The following PCDH12 variants were observed in gnomAD, a reference collection of about 807,000 sequenced individuals.
PCDH12 encodes protocadherin-12.
In PCDH12, 45 loss-of-function variants were observed where a neutral mutation model predicts 70.9. That is an observed-to-expected ratio of 0.63 (90% CI 0.50 to 0.81). The LOEUF is 0.81. PCDH12 is among the 40% of genes least tolerant of loss of function. The pLI is 0.00. For synonymous variants in PCDH12, 567 were observed against 626.0 expected (o/e 0.91, Z 1.41); for missense variants, 1,370 against 1,491.7 (o/e 0.92, Z 1.34).
Position 141,955,588 on chromosome 5 carries a change from G to A in PCDH12, c.2264C>T (p.Ala755Val). The A allele has an allele frequency of 1.2e-6, 2 of 1,614,140 alleles. No individual in the cohort carries two copies. ...GGGCTGCTGGCGGTAGGTGGACTCG[G>A]CCTCCCGACAGTTGTAGGCCCTGTT... ...KDNRAYNCRE[A>V]ESTYRQQPKR... is the part of the protein sequence containing the mutation. The change falls in exon 1 of 4, where the codon GCC becomes GTC. Residue 755 changes from alanine (A) to valine (V), a missense_variant. By Grantham distance (64) the Ala-to-Val change is moderately conservative. Transcript: ENST00000231484. This position sits in a 1 kb window ranked among gnomAD's most constrained non-coding sequence, Gnocchi z 5.5.
rs1753174685 is a variant in PCDH12 at position 141,955,913 on chromosome 5, A to T, written c.1939T>A (p.Phe647Ile). The T allele has an allele frequency of 6.2e-7, 1 of 1,614,166 alleles. No individual in the cohort carries two copies. ...TGCCCCGTATGAGGGTTGAGGATGA[A>T]GAGGTGGGCTTCATTTCCACTGCGG... is the stretch of plus-strand genomic sequence containing the variant. The part of the protein sequence containing the change: ...SIRSGNEAHL[F>I]ILNPHTGQLF... The change falls in exon 1 of 4, where the codon TTC becomes ATC. Residue 647 changes from phenylalanine (F) to isoleucine (I), a missense_variant. Coordinates refer to ENST00000231484, the MANE Select transcript of PCDH12 (RefSeq NM_016580.4). The surrounding 1 kb of genome is among the most constrained non-coding windows in gnomAD (Gnocchi z 5.5).
rs1219147375 is a variant in PCDH12 at position 141,956,023 on chromosome 5, G to A, written c.1829C>T (p.Thr610Ile). ...PAGTDTPPLA[T>I]HSSRPFLLTT... is the part of the protein sequence containing the mutation. ...CAAAAGGAATGGCCGGGAGCTGTGA[G>A]TGGCCAGTGGAGGTGTGTCAGTGCC... is the stretch of plus-strand genomic sequence containing the variant. Residue 610 changes from threonine (T) to isoleucine (I), a missense_variant, in exon 1 of 4, where the codon ACT (threonine) becomes ATT (isoleucine). By Grantham distance (89) the Thr-to-Ile change is moderately conservative. Transcript: ENST00000231484. 6.2e-7 allele frequency: 1 copy of A among 1,614,168 alleles called. No homozygotes were observed. Among genetic ancestry groups the A allele is most frequent in the South Asian group, 1.1e-5 (1 of 91,076 alleles).
chr5:141,946,518 C>T (rs529617641), intron 3 of PCDH12, among the ~76,000 whole-genome samples: 2 of 152,304 alleles, frequency 1.3e-5, no homozygotes, highest in East Asian at 1.9e-4. Flanking sequence ...CCCCTGGATA[C>T]TCCAGGTGCC....
In PCDH12 at chr5:141,958,035, A is replaced by G; in HGVS notation, c.-184T>C. 1 of 662,800 alleles carries G rather than the reference A, an allele frequency of 1.5e-6. No homozygotes were observed. The highest frequency in any genetic ancestry group is 2.8e-5 in the East Asian group (1 of 36,018). The allele number at this position is 662,800 out of a possible 1,614,324, so 41.1% of individuals were successfully genotyped here. ...AGGACCCCAAGGCAAGGCCATCTTC[A>G]TTGGAAGCGATCTGAGATGTCCAAA... On this transcript the variant is annotated 5_prime_UTR_variant, in exon 1 of 4. The change abolishes an upstream ATG in the 5' untranslated region. Transcript: ENST00000231484.
rs777133378 is a variant in PCDH12, at chr5:141,945,836, C to T, written c.3131-31G>A. The T allele has an allele frequency of 1.9e-6, 3 of 1,592,722 alleles. No individual in the cohort carries two copies. The Admixed American group carries it at 5.1e-5, about 27-fold the overall frequency. Reference sequence around the variant, plus strand: ...GGGGAAGGAGGGGACACAGTGAGGGCCAGGCTCCGGGAAGGGCCAGGCGGG... The same window carrying T: ...GGGGAAGGAGGGGACACAGTGAGGGTCAGGCTCCGGGAAGGGCCAGGCGGG... On this transcript the variant is annotated intron_variant, in intron 3 of 3. Transcript: ENST00000231484.
Position 141,945,143 on chromosome 5 carries a change from C to G in PCDH12, c.*238G>C. 3 of 570,178 alleles carry G rather than the reference C, an allele frequency of 5.3e-6. No individual in the cohort carries two copies. Among genetic ancestry groups the G allele is most frequent in the Non-Finnish European group, 9.3e-6 (3 of 322,368 alleles). The allele number at this position is 570,178 out of a possible 1,614,324, so 35.3% of individuals were successfully genotyped here. On this transcript the variant is annotated 3_prime_UTR_variant, in exon 4 of 4. Transcript: ENST00000231484. ...TCCACATATGTTTTGCCAGGAAACA[C>G]TTATCTCAGCCACAAACCGTCCCTG...
intron 1 of PCDH12, among the ~76,000 whole-genome samples, chr5:141,954,721 T>C (rs164087): frequency 0.49 from 74,192 of 151,978 alleles, 18,961 homozygotes; most frequent in East Asian, 0.83. Context: ...AGGTAGATAC[T>C]CTTACTATCA....
rs1313864125 is a variant in PCDH12 at position 141,944,986 on chromosome 5, T to C, written c.*395A>G. 3 of 196,532 alleles carry C rather than the reference T, an allele frequency of 1.5e-5. No individual in the cohort carries two copies. Among genetic ancestry groups the C allele is most frequent in the East Asian group, 2.7e-4 (2 of 7,378 alleles). 12.2% of individuals were successfully genotyped at this position (196,532 alleles called of 1,614,324 possible). ...AGAATGAATCACTGCTTTTCCTTTA[T>C]TGATAGGTCAGAGAGCATTTCCTGG... On this transcript the variant is annotated 3_prime_UTR_variant, in exon 4 of 4. Transcript: ENST00000231484.
At chr5:141,946,204 CT>C (rs2126915707) in intron 3 of PCDH12, among the ~76,000 whole-genome samples, 1 of 152,292 alleles carries the variant, frequency 6.6e-6, no homozygotes, top group South Asian at 2.1e-4. Context: ...GGGAAAATCC[CT>C]TTTCTTTGCC....
At chr5:141,951,454 G>C (rs1271557503) in intron 2 of PCDH12, 39 bp downstream of exon 2, 7 of 1,489,092 alleles carry the variant, frequency 4.7e-6, no homozygotes, top group Non-Finnish European at 5.6e-6. Flanking sequence ...GCGGCCAGTA[G>C]GGGCCTTGAG....
At position 141,955,794 on chromosome 5, in the gene PCDH12, C is replaced by T. The variant is rs768569959; in HGVS notation, c.2058G>A (p.Gln686=). 2 of 1,613,888 alleles carry T rather than the reference C, an allele frequency of 1.2e-6. No homozygotes were observed. Among genetic ancestry groups the T allele is most frequent in the African/African-American group, 1.3e-5 (1 of 75,034 alleles). The change falls in exon 1 of 4, where the codon CAG becomes CAA. Residue 686 remains glutamine (Q), a synonymous_variant. Transcript: ENST00000231484. The surrounding 1 kb of genome is among the most constrained non-coding windows in gnomAD (Gnocchi z 5.5). The stretch of plus-strand genomic sequence containing the variant: ...ACATGACCCTCAACAGGGCTCGGGT[C>T]TGTAAGGGGGGGCTTCCCTGGTCCT... ...VVEDQGSPPL[Q]TRALLRVMFV... is the part of the protein sequence containing the mutation.
At chr5:141,948,564 A>C (rs952669352) in intron 3 of PCDH12, among the ~76,000 whole-genome samples, 2 of 152,206 alleles carry the variant, frequency 1.3e-5, no homozygotes, top group Non-Finnish European at 2.9e-5. Context: ...CTCTGCAAAA[A>C]AATCTTTTTG....
intron 3 of PCDH12, 139 bp from the exon 4 acceptor site, chr5:141,945,944 G>A (rs533443027): frequency 1.3e-5 from 10 of 783,622 alleles, no homozygotes; most frequent in Admixed American, 5.7e-5. Flanking sequence ...GTGGCCAGAC[G>A]GGGACAGGAA....
chr5:141,945,544 G>T lies in PCDH12; in HGVS notation c.3392C>A (p.Ala1131Asp), dbSNP rs773404914. Residue 1131 changes from alanine to aspartate, a missense_variant, in exon 4 of 4, where the codon GCC becomes GAC. Ala to Asp is a moderately radical substitution (Grantham distance 126). Transcript: ENST00000231484. ...GAGCCGCCGCAGCGCCTCGGAGGCG[G>T]CCTCCACGGGCATGCTGGAGCGCTG... is the stretch of plus-strand genomic sequence containing the variant. ...LEQRSSMPVE[A>D]ASEALRRLSV... The T allele has an allele frequency of 1.2e-6, 2 of 1,613,960 alleles. No individual in the cohort carries two copies. Among genetic ancestry groups the T allele is most frequent in the South Asian group, 2.2e-5 (2 of 91,076 alleles).
intron 3 of PCDH12, among the ~76,000 whole-genome samples, chr5:141,946,681 C>A (rs151038494): frequency 2.6e-5 from 4 of 152,218 alleles, no homozygotes; most frequent in African/African-American, 9.7e-5. Context: ...CAAGGGCTGT[C>A]CCAGGAGAGG....
rs201475949 is a variant in PCDH12 at position 141,956,484 on chromosome 5, A to G, written c.1368T>C (p.Asn456=). 6.2e-6 allele frequency: 10 copies of G among 1,614,160 alleles called. No individual in the cohort carries two copies. The highest frequency in any genetic ancestry group is 1.7e-5 in the Admixed American group (1 of 60,020). ...LSIQISDIND[N]APVFEKSRYE... ...ACCTGCTTTTCTCAAACACAGGTGC[A>G]TTGTCGTTGATGTCACTGATCTGAA... Residue 456 remains asparagine (N), a synonymous_variant, in exon 1 of 4, where the codon AAT becomes AAC. Coordinates refer to ENST00000231484, the MANE Select transcript of PCDH12 (RefSeq NM_016580.4).
At position 141,956,637 on chromosome 5, in the gene PCDH12, A is replaced by T; in HGVS notation, c.1215T>A (p.Thr405=). The T allele has an allele frequency of 1.2e-6, 2 of 1,614,200 alleles. No individual in the cohort carries two copies. The highest frequency in any genetic ancestry group is 2.2e-5 in the South Asian group (2 of 91,082). Residue 405 remains threonine (T), a synonymous_variant, in exon 1 of 4, where the codon ACT becomes ACA. Coordinates refer to ENST00000231484, the MANE Select transcript of PCDH12 (RefSeq NM_016580.4). Reference sequence around the variant, plus strand: ...TTAGCAACATGTATGTGTTGCCATTAGTTCTTTTCAGCCTGAAGTGGCCCA... The same window carrying T: ...TTAGCAACATGTATGTGTTGCCATTTGTTCTTTTCAGCCTGAAGTGGCCCA... ...QELGHFRLKR[T]NGNTYMLLTN...
Position 141,955,853 on chromosome 5 carries a change from T to A in PCDH12, c.1999A>T (p.Ile667Phe). ...FVNVTNASSLIGSEWELEIVV... is the reference protein window; with the variant it reads ...FVNVTNASSLFGSEWELEIVV... ...ATCTCCAGCTCCCACTCACTCCCAA[T>A]GAGGCTGCTGGCATTGGTGACATTG... Residue 667 changes from isoleucine (I) to phenylalanine (F), a missense_variant, in exon 1 of 4, where the codon ATT (isoleucine) becomes TTT (phenylalanine). Transcript: ENST00000231484. This position sits in a 1 kb window ranked among gnomAD's most constrained non-coding sequence, Gnocchi z 5.5. The A allele has an allele frequency of 6.2e-7, 1 of 1,614,092 alleles. No individual in the cohort carries two copies. The highest frequency in any genetic ancestry group is 8.5e-7 in the Non-Finnish European group (1 of 1,179,978).
In PCDH12 at chr5:141,955,796, G is replaced by A. The variant is rs776549536; in HGVS notation, c.2056C>T (p.Gln686Ter). Residue 686 changes from glutamine (Q) to a stop codon, truncating the protein, a stop_gained, in exon 1 of 4, where the codon CAG becomes TAG. Coordinates refer to ENST00000231484, the MANE Select transcript of PCDH12 (RefSeq NM_016580.4). LOFTEE classifies it high-confidence loss of function. This position sits in a 1 kb window ranked among gnomAD's most constrained non-coding sequence, Gnocchi z 5.5. ...VVEDQGSPPL[Q>*]TRALLRVMFV... ...ATGACCCTCAACAGGGCTCGGGTCT[G>A]TAAGGGGGGGCTTCCCTGGTCCTCT... 2.5e-6 allele frequency: 4 copies of A among 1,613,914 alleles called. No individual in the cohort carries two copies. Among genetic ancestry groups the A allele is most frequent in the East Asian group, 4.5e-5 (2 of 44,864 alleles).
Sources: allele counts gnomAD v4.1 joint callset (sites outside exome capture counted in the v4.1 genomes callset), GRCh38; gene constraint gnomAD v4.1.1; non-coding constraint Gnocchi (gnomAD v3.1); transcripts MANE v1.5; gene names NCBI Gene and HGNC (gene_info 2026-07-23, HGNC 2026-07-21).